Variants in SEMA3C observed in about 807,000 individuals in gnomAD.
SEMA3C encodes the protein semaphorin-3C.
Under a neutral mutation model 89.4 loss-of-function variants are expected in SEMA3C, and 47 were observed. The ratio of observed to expected loss-of-function variants is 0.53; its 90% confidence interval spans 0.42 to 0.67. The LOEUF is 0.67. Ranked by LOEUF, SEMA3C falls within the 30% of genes least tolerant of loss-of-function variation. The pLI is 0.00. For missense variants in SEMA3C, 839 were observed against 929.1 expected (o/e 0.90, Z 1.26); for synonymous variants, 310 against 320.2 (o/e 0.97, Z 0.34).
chr7:80,769,002 C>T (rs1250628327), intron 12 of SEMA3C, among the ~76,000 whole-genome samples: 1 of 152,168 alleles, frequency 6.6e-6, no homozygotes, highest in Non-Finnish European at 1.5e-5. Context: ...GTAAGAATCA[C>T]TACCATTCTA....
chr7:80,875,169 A>G (rs1428643841), intron 2 of SEMA3C, among the ~76,000 whole-genome samples: 2 of 152,074 alleles, frequency 1.3e-5, no homozygotes, highest in Non-Finnish European at 2.9e-5. Context: ...TAGATTGTAC[A>G]TACTAAGTGT....
intron 13 of SEMA3C, among the ~76,000 whole-genome samples, chr7:80,763,636 T>C (rs927321278): frequency 6.6e-6 from 1 of 152,230 alleles, no homozygotes; most frequent in Non-Finnish European, 1.5e-5. Flanking sequence ...TTTAGGTTTA[T>C]GTCATGCTCA....
upstream of SEMA3C, among the ~76,000 whole-genome samples, chr7:80,922,076 G>T (rs150840451): frequency 1.3e-3 from 193 of 152,044 alleles, 1 homozygote; most frequent in East Asian, 7.9e-3. Context: ...AAAATAGATT[G>T]TGTATTTGCG....
chr7:80,810,119 C>T (rs922038920), intron 6 of SEMA3C, among the ~76,000 whole-genome samples: 3 of 151,774 alleles, frequency 2.0e-5, no homozygotes, highest in Non-Finnish European at 4.4e-5. Context: ...AATACGTGGG[C>T]GAGGTAATGG....
intron 5 of SEMA3C, among the ~76,000 whole-genome samples, chr7:80,811,650 G>A (rs1382914482): frequency 6.6e-6 from 1 of 152,042 alleles, no homozygotes; most frequent in Non-Finnish European, 1.5e-5. Context: ...GAAATATGAA[G>A]TCAATAATAT....
At chr7:80,793,395 T>C in intron 11 of SEMA3C, 2 of 390,936 alleles carry the variant, frequency 5.1e-6, no homozygotes, top group East Asian at 1.5e-4. Context: ...TTAATATACG[T>C]ATCCATTACT....
intron 1 of SEMA3C, among the ~76,000 whole-genome samples, chr7:80,917,781 A>C (rs1438891191): frequency 6.6e-6 from 1 of 152,216 alleles, no homozygotes; most frequent in East Asian, 1.9e-4. Context: ...TCCAGTAAAG[A>C]AATTTATTTT....
upstream of SEMA3C, among the ~76,000 whole-genome samples, chr7:80,919,722 G>A (rs1490156495): frequency 1.3e-5 from 2 of 151,904 alleles, no homozygotes; most frequent in African/African-American, 2.4e-5. Flanking sequence ...CTGAATAGCT[G>A]GGACTACAGG....
rs1031680674 is a variant in SEMA3C at position 80,754,947 on chromosome 7, GT to G, written c.1643+3383del. Among the ~76,000 whole-genome samples the G allele has an allele frequency of 5.7e-3, 75 of 13,142 alleles. 1 individual carries two copies. Among genetic ancestry groups the G allele is most frequent in the African/African-American group, 9.2e-3 (75 of 8,156 alleles). The allele number at this position is 13,142 out of a possible 152,430, so 8.6% of individuals were successfully genotyped here. ...TGCCTGCCACCATGCCTGGCGAATT[GT>G]TTTTTTTTGTTTTTTTTTTTTTTGT... On this transcript the variant is annotated intron_variant, in intron 15 of 17. Transcript: ENST00000265361.
At chr7:80,866,718 T>C (rs9655877) in intron 2 of SEMA3C, among the ~76,000 whole-genome samples, 2,039 of 152,254 alleles carry the variant, frequency 0.013, 47 homozygotes, top group African/African-American at 0.046. Context: ...TACAACTTAA[T>C]AGTAATTTTA....
At chr7:80,766,690 A>G (rs1179941426) in intron 12 of SEMA3C, among the ~76,000 whole-genome samples, 1 of 152,176 alleles carries the variant, frequency 6.6e-6, no homozygotes, top group East Asian at 1.9e-4. Context: ...TCCACCGTTA[A>G]CAGTGCCAGG....
chr7:80,898,573 A>C (rs140181788), intron 2 of SEMA3C, among the ~76,000 whole-genome samples: 1 of 152,150 alleles, frequency 6.6e-6, no homozygotes, highest in South Asian at 2.1e-4. Flanking sequence ...AATATTTAGC[A>C]AAGTATAGGC....
rs1791279054 is a variant in SEMA3C at position 80,879,313 on chromosome 7, T to C, written c.103+37366A>G. Among the ~76,000 whole-genome samples the C allele has an allele frequency of 1.3e-5, 2 of 151,862 alleles. 1 individual carries two copies. The highest frequency in any genetic ancestry group is 4.1e-4 in the South Asian group (2 of 4,820). On this transcript the variant is annotated intron_variant, in intron 2 of 17. Coordinates refer to ENST00000265361, the MANE Select transcript of SEMA3C (RefSeq NM_006379.5). ...CCTGGAGGTAGACAAGAGGGACAAA[T>C]AAGTGATGGAACAAAGTTCTTTTAG...
chr7:80,899,746 A>G (rs958232637), intron 2 of SEMA3C, among the ~76,000 whole-genome samples: 6 of 152,210 alleles, frequency 3.9e-5, no homozygotes, highest in Non-Finnish European at 5.9e-5. Flanking sequence ...TGACATTTCA[A>G]GAAAAAATGA....
chr7:80,750,473 T>TATATATATACACACAC (rs869227686), intron 16 of SEMA3C, among the ~76,000 whole-genome samples: 37 of 55,422 alleles, frequency 6.7e-4, no homozygotes, highest in Admixed American at 8.7e-4. Flanking sequence ...TATATATATA[T>TATATATATACACACAC]ACACACACAC....
intron 13 of SEMA3C, among the ~76,000 whole-genome samples, chr7:80,764,068 C>G (rs148242175): frequency 2.0e-5 from 3 of 152,198 alleles, no homozygotes; most frequent in Non-Finnish European, 2.9e-5. Flanking sequence ...AAATGTATTA[C>G]CTAAATCTAA....
At chr7:80,816,745 A>G (rs1029046771) in intron 5 of SEMA3C, among the ~76,000 whole-genome samples, 3 of 152,168 alleles carry the variant, frequency 2.0e-5, no homozygotes, top group African/African-American at 7.2e-5. Flanking sequence ...CATTAATGAA[A>G]CTGCTTCTCC....
intron 11 of SEMA3C, among the ~76,000 whole-genome samples, chr7:80,797,488 C>T (rs192752925): frequency 6.6e-6 from 1 of 152,264 alleles, no homozygotes; most frequent in Admixed American, 6.5e-5. Flanking sequence ...AATTAGAAAG[C>T]TGCCTATAGT....
At chr7:80,919,066 CG>C, upstream of SEMA3C, 1 of 985,258 alleles carries the variant, frequency 1.0e-6, no homozygotes, top group Non-Finnish European at 1.2e-6. Context: ...GGAAAGTGGC[CG>C]GAGGCCGGGG....
Sources: gnomAD v4.1 joint callset for allele counts (sites outside exome capture counted in the v4.1 genomes callset) on GRCh38, gnomAD v4.1.1 for gene constraint, MANE v1.5 for transcripts, NCBI Gene and HGNC (gene_info 2026-07-23, HGNC 2026-07-21) for gene names.